POMC: variants seen among roughly 807,000 people sequenced by gnomAD.
POMC encodes proopiomelanocortin, also known as pro-opiomelanocortin.
In POMC, 19 loss-of-function variants were observed where a neutral mutation model predicts 18.5. The ratio of observed to expected loss-of-function variants is 1.03; its 90% confidence interval spans 0.72 to 1.51. The LOEUF (loss-of-function observed/expected upper bound fraction) is 1.51, where lower values mean the gene tolerates loss of function less well. Among genes scored for constraint, POMC ranks in the 40% most tolerant of loss-of-function variants. The pLI, the probability that POMC is intolerant of heterozygous loss-of-function variation, is 0.00. For missense variants in POMC, 451 were observed against 379.0 expected (o/e 1.19, Z -1.58); for synonymous variants, 179 against 161.9 (o/e 1.11, Z -0.80).
At chr2:25,164,389 A>AGC (rs1338106996) in intron 2 of POMC, among the ~76,000 whole-genome samples, 9 of 152,206 alleles carry the variant, frequency 5.9e-5, no homozygotes, top group Admixed American at 2.6e-4. Context: ...CAAGGTCTCC[A>AGC]TAAAAGATGG....
At chr2:25,165,912 A>G (rs1671539099) in intron 1 of POMC, among the ~76,000 whole-genome samples, 1 of 152,246 alleles carries the variant, frequency 6.6e-6, no homozygotes, top group East Asian at 1.9e-4. Context: ...GCTGCTAGAA[A>G]GAAATGTAAT....
rs774098535 is a variant in POMC, at chr2:25,161,750, C to T, written c.135G>A (p.Glu45=). ...GGTCGGGCTTGCAGGCCCGGATGCA[C>T]TCCTGGGGGAAGACGCGAGGGCATG... is the stretch of plus-strand genomic sequence containing the variant. The part of the protein sequence containing the change: ...QDLTTESNLL[E]CIRACKPDLS... The change falls in exon 3 of 3, where the codon GAG becomes GAA. Residue 45 remains glutamate (E), a splice_region_variant and synonymous_variant. Coordinates refer to ENST00000395826, the MANE Select transcript of POMC (RefSeq NM_000939.4). The surrounding 1 kb of genome is among the most constrained non-coding windows in gnomAD (Gnocchi z 5.7). The T allele has an allele frequency of 1.3e-6, 2 of 1,592,382 alleles. No homozygotes were observed. Among genetic ancestry groups the T allele is most frequent in the Middle Eastern group, 1.7e-4 (1 of 5,858 alleles).
Position 25,161,002 on chromosome 2 carries a change from C to A in POMC, c.*79G>T, listed in dbSNP as rs1221293082. ...TGCCACGACCCCCCAGGCTGGGAGG[C>A]GGCAGCAGGGCAGGGGAGAGCAAGG... On this transcript the variant is annotated 3_prime_UTR_variant, in exon 3 of 3. Coordinates refer to ENST00000395826, the MANE Select transcript of POMC (RefSeq NM_000939.4). This position sits in a 1 kb window ranked among gnomAD's most constrained non-coding sequence, Gnocchi z 5.7. 11 of 1,585,736 alleles carry A rather than the reference C, an allele frequency of 6.9e-6. No homozygotes were observed. The highest frequency in any genetic ancestry group is 4.1e-5 in the African/African-American group (3 of 73,614).
In POMC at chr2:25,168,070, C is replaced by G. The variant is rs10190463; in HGVS notation, c.-21+428G>C. On this transcript the variant is annotated intron_variant, in intron 1 of 2. Transcript: ENST00000395826. This position sits in a 1 kb window ranked among gnomAD's most constrained non-coding sequence, Gnocchi z 5.2. ...TCGGGAGGCTGAAGCAGGAGAATCG[C>G]TTGAACCCGGGAGGCGAAGGTTGCG... 0.03 allele frequency among the ~76,000 whole-genome samples: 4,586 copies of G among 151,782 alleles called. 232 individuals are homozygous for G. Among genetic ancestry groups the G allele is most frequent in the African/African-American group, 0.11 (4,358 of 41,348 alleles).
chr2:25,161,617 G>A lies in POMC; in HGVS notation c.268C>T (p.Arg90Cys), dbSNP rs765750914. The change falls in exon 3 of 3, where the codon CGC (arginine) becomes TGC (cysteine). Residue 90 changes from arginine (R) to cysteine (C), a missense_variant. Coordinates refer to ENST00000395826, the MANE Select transcript of POMC (RefSeq NM_000939.4). This position sits in a 1 kb window ranked among gnomAD's most constrained non-coding sequence, Gnocchi z 5.7. ...GHFRWDRFGR[R>C]NSSSSGSSGA... ...CTGCTGCCGCTGCTGCTGCTGTTGC[G>A]GCGGCCGAATCGGTCCCAGCGGAAG... 23 of 1,532,244 alleles carry A rather than the reference G, an allele frequency of 1.5e-5. No individual in the cohort carries two copies. The South Asian group carries it at 2.1e-4, about 14-fold the overall frequency. 94.9% of individuals were successfully genotyped at this position (1,532,244 alleles called of 1,614,324 possible).
At chr2:25,162,528 G>A (rs1429541380) in intron 2 of POMC, among the ~76,000 whole-genome samples, 1 of 152,058 alleles carries the variant, frequency 6.6e-6, no homozygotes, top group Non-Finnish European at 1.5e-5. Flanking sequence ...CAGGAGGGGA[G>A]TGGGGCTGAA....
At position 25,161,765 on chromosome 2, in the gene POMC, G is replaced by T; in HGVS notation, c.133-13C>A. On this transcript the variant is annotated splice_polypyrimidine_tract_variant and intron_variant, in intron 2 of 2. Transcript: ENST00000395826. The surrounding 1 kb of genome is among the most constrained non-coding windows in gnomAD (Gnocchi z 5.7). ...CCCGGATGCACTCCTGGGGGAAGAC[G>T]CGAGGGCATGAGGGCAGCCCGTGCC... is the stretch of plus-strand genomic sequence containing the variant. 6.3e-7 allele frequency: 1 copy of T among 1,583,330 alleles called. No homozygotes were observed. The highest frequency in any genetic ancestry group is 1.2e-5 in the South Asian group (1 of 86,748).
chr2:25,164,518 T>C, intron 2 of POMC, 123 bp downstream of exon 2: 10 of 1,507,534 alleles, frequency 6.6e-6, no homozygotes, highest in Non-Finnish European at 9.2e-6. Context: ...GCTCCTGCCC[T>C]GGATTGAATC....
intron 1 of POMC, among the ~76,000 whole-genome samples, chr2:25,167,051 G>C (rs1004528652): frequency 6.6e-6 from 1 of 152,148 alleles, no homozygotes; most frequent in Non-Finnish European, 1.5e-5. Context: ...ACACTTATTA[G>C]AACTTCATAG....
intron 1 of POMC, among the ~76,000 whole-genome samples, chr2:25,167,272 GAC>G (rs1408725452): frequency 1.3e-5 from 2 of 152,112 alleles, no homozygotes; most frequent in South Asian, 2.1e-4. Flanking sequence ...TTTATAAACT[GAC>G]ACACACACAA....
rs1671624638 is a variant in POMC, at chr2:25,168,249, C to A, written c.-21+249G>T. Reference sequence around the variant, plus strand: ...GAGCCCCTGGGGGAGAGGAGGCCGCCGGCTCCCTGGAGACAGCGCCTGCAG... The same window carrying A: ...GAGCCCCTGGGGGAGAGGAGGCCGCAGGCTCCCTGGAGACAGCGCCTGCAG... On this transcript the variant is annotated intron_variant, in intron 1 of 2. Transcript: ENST00000395826. The surrounding 1 kb of genome is among the most constrained non-coding windows in gnomAD (Gnocchi z 5.2). Among the ~76,000 whole-genome samples, 1 of 152,192 alleles carries A rather than the reference C, an allele frequency of 6.6e-6. No homozygotes were observed. Among genetic ancestry groups the A allele is most frequent in the Non-Finnish European group, 1.5e-5 (1 of 68,018 alleles).
rs1185718877 is a variant in POMC at position 25,161,818 on chromosome 2, G to A, written c.133-66C>T. On this transcript the variant is annotated intron_variant, in intron 2 of 2. Coordinates refer to ENST00000395826, the MANE Select transcript of POMC (RefSeq NM_000939.4). The surrounding 1 kb of genome is among the most constrained non-coding windows in gnomAD (Gnocchi z 5.7). ...GCACCCCGGCCCGGCTGCCGCGCCC[G>A]TCACTGCGCCTAGGCCCTGGCCGCC... 2.0e-6 allele frequency: 3 copies of A among 1,514,214 alleles called. No homozygotes were observed. The highest frequency in any genetic ancestry group is 1.4e-5 in the African/African-American group (1 of 71,292). 93.8% of individuals were successfully genotyped at this position (1,514,214 alleles called of 1,614,324 possible).
In POMC at chr2:25,161,528, G is replaced by A. The variant is rs767685508; in HGVS notation, c.357C>T (p.Gly119=). The part of the protein sequence containing the change: ...AGEDCGPLPE[G]GPEPRSDGAK... ...CACCATCGCTGCGGGGCTCGGGGCC[G>A]CCCTCAGGCAGCGGGCCGCAGTCTT... The change falls in exon 3 of 3, where the codon GGC becomes GGT. Residue 119 remains glycine (G), a synonymous_variant. Transcript: ENST00000395826. The surrounding 1 kb of genome is among the most constrained non-coding windows in gnomAD (Gnocchi z 5.7). The A allele has an allele frequency of 9.5e-6, 15 of 1,580,632 alleles. No individual in the cohort carries two copies. The East Asian group carries it at 3.0e-4, about 32-fold the overall frequency.
chr2:25,165,524 G>C (rs1346007877), intron 1 of POMC: 1 of 152,216 alleles, frequency 6.6e-6, no homozygotes, highest in African/African-American at 2.4e-5. Flanking sequence ...TCATCTTCTG[G>C]ACACGTCACG....
Position 25,161,832 on chromosome 2 carries a change from G to T in POMC, c.133-80C>A. 6.8e-7 allele frequency: 1 copy of T among 1,476,154 alleles called. No individual in the cohort carries two copies. Among genetic ancestry groups the T allele is most frequent in the South Asian group, 1.3e-5 (1 of 74,102 alleles). 91.4% of individuals were successfully genotyped at this position (1,476,154 alleles called of 1,614,324 possible). On this transcript the variant is annotated intron_variant, in intron 2 of 2. Transcript: ENST00000395826. This position sits in a 1 kb window ranked among gnomAD's most constrained non-coding sequence, Gnocchi z 5.7. Reference sequence around the variant, plus strand: ...CTGCCGCGCCCGTCACTGCGCCTAGGCCCTGGCCGCCCTCGCCACGTGCCG... The same window carrying T: ...CTGCCGCGCCCGTCACTGCGCCTAGTCCCTGGCCGCCCTCGCCACGTGCCG...
intron 1 of POMC, 26 bp from the exon 2 acceptor site, chr2:25,164,818 G>T: frequency 3.1e-6 from 5 of 1,611,792 alleles, no homozygotes; most frequent in Non-Finnish European, 4.2e-6. Context: ...AGATTGGTGG[G>T]ACCCCTGCAA....
intron 1 of POMC, among the ~76,000 whole-genome samples, chr2:25,165,243 G>A (rs1671516085): frequency 6.6e-6 from 1 of 152,202 alleles, no homozygotes; most frequent in African/African-American, 2.4e-5. Context: ...AAAGTAACTT[G>A]GGAAAAACGG....
In POMC at chr2:25,161,039, C is replaced by G; in HGVS notation, c.*42G>C. On this transcript the variant is annotated 3_prime_UTR_variant, in exon 3 of 3. Transcript: ENST00000395826. This position sits in a 1 kb window ranked among gnomAD's most constrained non-coding sequence, Gnocchi z 5.7. ...AGGGGAGAGCAAGGGGCTTTGGGGT[C>G]GACCTCCTGGGGGAGGGTAGCCCTG... 2.5e-6 allele frequency: 4 copies of G among 1,613,070 alleles called. No homozygotes were observed. Among genetic ancestry groups the G allele is most frequent in the Non-Finnish European group, 3.4e-6 (4 of 1,179,808 alleles).
Position 25,160,920 on chromosome 2 carries a change from G to T in POMC, c.*161C>A, listed in dbSNP as rs970017323. 1.3e-5 allele frequency: 15 copies of T among 1,169,344 alleles called. No individual in the cohort carries two copies. Among genetic ancestry groups the T allele is most frequent in the African/African-American group, 9.3e-5 (6 of 64,656 alleles). 72.4% of individuals were successfully genotyped at this position (1,169,344 alleles called of 1,614,324 possible). On this transcript the variant is annotated 3_prime_UTR_variant, in exon 3 of 3. Transcript: ENST00000395826. ...TTTACATTCAAAGTCAGAGGTGGAT[G>T]TGAAATTTGAAAGGTTTTATTTCCT... is the stretch of plus-strand genomic sequence containing the variant.
Sources: gnomAD v4.1 joint callset for allele counts (sites outside exome capture counted in the v4.1 genomes callset) on GRCh38, gnomAD v4.1.1 for gene constraint, Gnocchi (gnomAD v3.1) non-coding constraint, MANE v1.5 for transcripts, NCBI Gene and HGNC (gene_info 2026-07-23, HGNC 2026-07-21) for gene names.